Variants in MACROD2 observed in about 807,000 individuals in gnomAD.
MACROD2 encodes the protein ADP-ribose glycohydrolase MACROD2.
MACROD2 carries 36 observed loss-of-function variants against 70.4 expected under a neutral mutation model. The ratio of observed to expected loss-of-function variants is 0.51; its 90% CI spans 0.39 to 0.68. MACROD2 has a LOEUF of 0.68. Ranked by LOEUF, MACROD2 falls within the 30% of genes least tolerant of loss-of-function variation. The probability of loss-of-function intolerance (pLI) is 0.00; values close to 1 mark genes in which losing one functional copy is unlikely to be tolerated. For synonymous variants in MACROD2, 172 were observed against 178.8 expected, an observed-to-expected ratio of 0.96 and a Z score of 0.30; for missense variants, 496 against 538.4, an observed-to-expected ratio of 0.92 and a Z score of 0.78.
At chr20:15,828,440 A>C (rs1158784389) in intron 8 of MACROD2, among the ~76,000 whole-genome samples, 2 of 152,154 alleles carry the variant, frequency 1.3e-5, no homozygotes, top group Non-Finnish European at 1.5e-5. Context: ...CAAAATGATC[A>C]GATTCTACTC....
chr20:14,873,520 G>A (rs1486208355), intron 5 of MACROD2, among the ~76,000 whole-genome samples: 1 of 152,006 alleles, frequency 6.6e-6, no homozygotes, highest in Non-Finnish European at 1.5e-5. Context: ...GATTTGAGGT[G>A]GAAAATCTCA....
At chr20:14,867,469 G>C (rs935199620) in intron 5 of MACROD2, among the ~76,000 whole-genome samples, 6 of 152,120 alleles carry the variant, frequency 3.9e-5, no homozygotes, top group African/African-American at 1.4e-4. Flanking sequence ...CTATGAAAGA[G>C]TCTGGATTCT....
At position 15,654,542 on chromosome 20, in the gene MACROD2, T is replaced by A. The variant is rs1388704533; in HGVS notation, c.645+154695T>A. On this transcript the variant is annotated intron_variant, in intron 8 of 17. Coordinates refer to ENST00000684519, the MANE Select transcript of MACROD2 (RefSeq NM_001351661.2). Reference sequence around the variant, plus strand: ...TCTCTCCCTCTTCCCTAAGCACCCCTCCACTTGAAGTGATTTTGCCCACAC... The same window carrying A: ...TCTCTCCCTCTTCCCTAAGCACCCCACCACTTGAAGTGATTTTGCCCACAC... Among the ~76,000 whole-genome samples the A allele has an allele frequency of 2.0e-5, 3 of 152,286 alleles. No homozygotes were observed. The East Asian group carries it at 5.8e-4, about 29-fold the overall frequency.
intron 4 of MACROD2, among the ~76,000 whole-genome samples, chr20:14,596,208 C>T (rs1473647204): frequency 1.3e-5 from 2 of 150,712 alleles, no homozygotes; most frequent in East Asian, 3.9e-4. Flanking sequence ...GCCTCAGCCT[C>T]CCGAGTAGCT....
At chr20:15,012,035 G>T (rs1387477708) in intron 5 of MACROD2, among the ~76,000 whole-genome samples, 1 of 152,186 alleles carries the variant, frequency 6.6e-6, no homozygotes, top group Non-Finnish European at 1.5e-5. Context: ...GGATGTTTCA[G>T]TTATATGTGA....
chr20:14,101,993 CTTTTTTTTTTTTTTT>C (rs66890047), intron 3 of MACROD2, among the ~76,000 whole-genome samples: 5 of 25,028 alleles, frequency 2.0e-4, no homozygotes, highest in African/African-American at 3.1e-4. Context: ...TTTAATGAGT[CTTTTTTTTTTTTTTT>C]TTTTTTTTTT....
At chr20:14,324,452 G>A (rs1295280165) in intron 3 of MACROD2, 1 of 152,522 alleles carries the variant, frequency 6.6e-6, no homozygotes, top group African/African-American at 2.4e-5. Flanking sequence ...CTTTGTAAAA[G>A]TAAATTGAAC....
intron 8 of MACROD2, among the ~76,000 whole-genome samples, chr20:15,525,629 A>G (rs1466544385): frequency 2.0e-5 from 3 of 152,226 alleles, no homozygotes; most frequent in Non-Finnish European, 4.4e-5. Flanking sequence ...TGCATCCAGC[A>G]TTAAAGAGTT....
chr20:15,284,726 T>C (rs923812759), intron 6 of MACROD2, among the ~76,000 whole-genome samples: 1 of 152,162 alleles, frequency 6.6e-6, no homozygotes, highest in Non-Finnish European at 1.5e-5. Context: ...GTTACTCCGA[T>C]AGAACGAAGT....
chr20:15,966,056 A>C (rs1483734640), intron 12 of MACROD2, among the ~76,000 whole-genome samples: 2 of 152,210 alleles, frequency 1.3e-5, no homozygotes, highest in Non-Finnish European at 2.9e-5. Context: ...TGGCAGGTTC[A>C]AGAAACAAAC....
intron 3 of MACROD2, among the ~76,000 whole-genome samples, chr20:14,172,985 C>T (rs896182147): frequency 6.6e-6 from 1 of 152,172 alleles, no homozygotes; most frequent in Non-Finnish European, 1.5e-5. Context: ...TCACTTCTAG[C>T]TTGTAGGGTT....
chr20:15,691,603 A>C (rs964662915), intron 8 of MACROD2, among the ~76,000 whole-genome samples: 18 of 152,188 alleles, frequency 1.2e-4, no homozygotes, highest in African/African-American at 4.3e-4. Flanking sequence ...CTAAGTAGGG[A>C]CATAGACAAG....
At chr20:15,746,523 C>T (rs2092484) in intron 8 of MACROD2, among the ~76,000 whole-genome samples, 47,165 of 126,450 alleles carry the variant, frequency 0.37, 9,251 homozygotes, top group African/African-American at 0.58. Context: ...TCCAGTGAAA[C>T]AGTAAAGACT....
At chr20:15,136,584 T>G (rs1391372463) in intron 5 of MACROD2, among the ~76,000 whole-genome samples, 1 of 152,096 alleles carries the variant, frequency 6.6e-6, no homozygotes, top group Non-Finnish European at 1.5e-5. Context: ...AAGACTTAAA[T>G]GTTAGACCTA....
chr20:15,938,373 A>G (rs1304725178), intron 12 of MACROD2, among the ~76,000 whole-genome samples: 1 of 152,176 alleles, frequency 6.6e-6, no homozygotes, highest in African/African-American at 2.4e-5. Context: ...TTCCAACAGC[A>G]TGTGCTCATT....
chr20:14,456,147 A>G (rs2084299597), intron 3 of MACROD2, among the ~76,000 whole-genome samples: 1 of 151,840 alleles, frequency 6.6e-6, no homozygotes, highest in South Asian at 2.1e-4. Flanking sequence ...GTTCATAGAT[A>G]TTTTATATAA....
intron 5 of MACROD2, among the ~76,000 whole-genome samples, chr20:14,691,513 C>G (rs1285508110): frequency 6.6e-6 from 1 of 152,140 alleles, no homozygotes; most frequent in East Asian, 1.9e-4. Flanking sequence ...AGTCGAGTCT[C>G]TCAAGGGAGA....
intron 8 of MACROD2, among the ~76,000 whole-genome samples, chr20:15,616,183 G>T (rs188121496): frequency 6.9e-6 from 1 of 144,102 alleles, no homozygotes; most frequent in Admixed American, 7.2e-5. Flanking sequence ...GGCCCACTGC[G>T]CCCTCTGTCT....
chr20:15,474,167 C>A (rs1016075787), intron 7 of MACROD2, among the ~76,000 whole-genome samples: 2 of 152,204 alleles, frequency 1.3e-5, no homozygotes, highest in African/African-American at 4.8e-5. Context: ...ATTGTAAGAG[C>A]TCGATATACA....
Sources: gnomAD v4.1 joint callset for allele counts (sites outside exome capture counted in the v4.1 genomes callset) on GRCh38, gnomAD v4.1.1 for gene constraint, MANE v1.5 for transcripts, NCBI Gene and HGNC (gene_info 2026-07-23, HGNC 2026-07-21) for gene names.